The following GPR180 variants were observed in gnomAD, a reference collection of about 807,000 sequenced individuals.
The protein encoded by GPR180 is G protein-coupled receptor 180, also known as integral membrane protein GPR180.
Under a neutral mutation model 52.6 loss-of-function variants are expected in GPR180, and 53 were observed. The ratio of observed to expected loss-of-function variants is 1.01; its 90% CI spans 0.81 to 1.27. The LOEUF (loss-of-function observed/expected upper bound fraction) is 1.27, where lower values mean the gene tolerates loss of function less well. GPR180 is among the 50% of genes most tolerant of loss of function. The pLI is 0.00. For synonymous variants in GPR180, 200 were observed against 193.1 expected, an observed-to-expected ratio of 1.04 and a Z score of -0.30; for missense variants, 533 against 527.0, an observed-to-expected ratio of 1.01 and a Z score of -0.11.
rs1391706492 is a variant in GPR180, at chr13:94,632,706, G to C, written c.*5535G>C. 6.6e-6 allele frequency: 1 copy of C among 152,150 alleles called. No homozygotes were observed. The highest frequency in any genetic ancestry group is 1.5e-5 in the Non-Finnish European group (1 of 68,038). 9.4% of individuals were successfully genotyped at this position (152,150 alleles called of 1,614,324 possible). ...GAAGTATCTTTGTTATTCATAGTGA[G>C]CTCTGATAGTTACGCTAACCAGATG... On this transcript the variant is annotated 3_prime_UTR_variant, in exon 9 of 9. Transcript: ENST00000376958.
rs1300158600 is a variant in GPR180 at position 94,632,221 on chromosome 13, C to A, written c.*5050C>A. On this transcript the variant is annotated 3_prime_UTR_variant, in exon 9 of 9. Transcript: ENST00000376958. ...GTATGCGAAAACCTTCTAATGTTTT[C>A]TTCTTGTTAAACAGGTAATATATGC... 1 of 152,186 alleles carries A rather than the reference C, an allele frequency of 6.6e-6. No individual in the cohort carries two copies. The highest frequency in any genetic ancestry group is 1.5e-5 in the Non-Finnish European group (1 of 68,042). 9.4% of individuals were successfully genotyped at this position (152,186 alleles called of 1,614,324 possible).
At chr13:94,612,460 T>C (rs1889720544) in intron 3 of GPR180, 70 bp downstream of exon 3, 1 of 1,184,544 alleles carries the variant, frequency 8.4e-7, no homozygotes, top group Admixed American at 2.2e-5. Flanking sequence ...TCATGTTGTA[T>C]TTTTAAAATC....
chr13:94,610,672 TC>T (rs1464097738), intron 2 of GPR180, among the ~76,000 whole-genome samples: 2 of 152,204 alleles, frequency 1.3e-5, no homozygotes, highest in Non-Finnish European at 2.9e-5. Context: ...CAGGTCAGAT[TC>T]AGAAACCGCA....
In GPR180 at chr13:94,629,688, C is replaced by G. The variant is rs971027956; in HGVS notation, c.*2517C>G. The G allele has an allele frequency of 1.3e-5, 2 of 152,196 alleles. No individual in the cohort carries two copies. Among genetic ancestry groups the G allele is most frequent in the African/African-American group, 2.4e-5 (1 of 41,458 alleles). The allele number at this position is 152,196 out of a possible 1,614,324, so 9.4% of individuals were successfully genotyped here. On this transcript the variant is annotated 3_prime_UTR_variant, in exon 9 of 9. Transcript: ENST00000376958. ...ATTAAAACTGGAATTGTGCTAAAATCAGAACATGCGCTTGAATATCTGTAA... is the reference window on the plus strand; with the variant it reads ...ATTAAAACTGGAATTGTGCTAAAATGAGAACATGCGCTTGAATATCTGTAA...
chr13:94,628,544 C>T lies in GPR180; in HGVS notation c.*1373C>T, dbSNP rs1295143698. 4 of 151,962 alleles carry T rather than the reference C, an allele frequency of 2.6e-5. No homozygotes were observed. Among genetic ancestry groups the T allele is most frequent in the Non-Finnish European group, 5.9e-5 (4 of 67,908 alleles). 9.4% of individuals were successfully genotyped at this position (151,962 alleles called of 1,614,324 possible). On this transcript the variant is annotated 3_prime_UTR_variant, in exon 9 of 9. Transcript: ENST00000376958. ...TAGTGCAACTTAAAAATATCTATGGCTTTGTTTTTGTTTTTCTTTTGTACC... is the reference window on the plus strand; with the variant it reads ...TAGTGCAACTTAAAAATATCTATGGTTTTGTTTTTGTTTTTCTTTTGTACC...
chr13:94,606,712 C>T (rs1174229054), intron 2 of GPR180, among the ~76,000 whole-genome samples: 2 of 152,184 alleles, frequency 1.3e-5, no homozygotes, highest in East Asian at 3.8e-4. Context: ...TATCAGCTGT[C>T]TGATTCCCTC....
In GPR180 at chr13:94,634,181, G is replaced by A. The variant is rs544964109; in HGVS notation, c.*7010G>A. On this transcript the variant is annotated 3_prime_UTR_variant, in exon 9 of 9. Transcript: ENST00000376958. Reference sequence around the variant, plus strand: ...TGATTTTCAAAAGAAAAAAAATCCTGTTTAGTATTCTTAGTGGAATGAATT... The same window carrying A: ...TGATTTTCAAAAGAAAAAAAATCCTATTTAGTATTCTTAGTGGAATGAATT... 1 of 151,946 alleles carries A rather than the reference G, an allele frequency of 6.6e-6. No homozygotes were observed. Among genetic ancestry groups the A allele is most frequent in the Non-Finnish European group, 1.5e-5 (1 of 67,974 alleles). The allele number at this position is 151,946 out of a possible 1,614,324, so 9.4% of individuals were successfully genotyped here.
Position 94,623,142 on chromosome 13 carries a change from ATC to A in GPR180, c.929_930del (p.Ile310LysfsTer4). The A allele has an allele frequency of 6.2e-7, 1 of 1,613,918 alleles. No individual in the cohort carries two copies. Among genetic ancestry groups the A allele is most frequent in the Non-Finnish European group, 8.5e-7 (1 of 1,179,920 alleles). Reference protein sequence around the residue: ...VLLLWEQFEDISHHSYHSHHN... With the variant: ...VLLLWEQFEDXSHHSYHSHHN... ...GCTACTTTGGGAACAGTTTGAAGAT[ATC>A]AGTCATCATAGCTACCATTCACACC... On this transcript the variant is annotated frameshift_variant, in exon 7 of 9. Coordinates refer to ENST00000376958, the MANE Select transcript of GPR180 (RefSeq NM_180989.6). LOFTEE classifies it high-confidence loss of function.
Position 94,631,351 on chromosome 13 carries a change from A to G in GPR180, c.*4180A>G, listed in dbSNP as rs769590873. The G allele has an allele frequency of 3.3e-5, 5 of 151,904 alleles. No individual in the cohort carries two copies. Among genetic ancestry groups the G allele is most frequent in the African/African-American group, 1.2e-4 (5 of 41,322 alleles). 9.4% of individuals were successfully genotyped at this position (151,904 alleles called of 1,614,324 possible). ...AGACACAAAAGAAACCGCCTCCTATAATCCCTATAATAAGCCCCTTATTTT... is the reference window on the plus strand; with the variant it reads ...AGACACAAAAGAAACCGCCTCCTATGATCCCTATAATAAGCCCCTTATTTT... On this transcript the variant is annotated 3_prime_UTR_variant, in exon 9 of 9. Transcript: ENST00000376958.
chr13:94,620,067 C>A (rs559383060), intron 5 of GPR180, among the ~76,000 whole-genome samples: 50 of 152,150 alleles, frequency 3.3e-4, no homozygotes, highest in Non-Finnish European at 7.1e-4. Flanking sequence ...CTCATCTTAT[C>A]CTCAATAGAA....
intron 2 of GPR180, among the ~76,000 whole-genome samples, chr13:94,607,316 A>G (rs2139564253): frequency 6.6e-6 from 1 of 152,340 alleles, no homozygotes; most frequent in East Asian, 1.9e-4. Flanking sequence ...TGGTCATGTT[A>G]CATTCACTTC....
rs1890017249 is a variant in GPR180 at position 94,632,869 on chromosome 13, GTCAATTAA to G, written c.*5702_*5709del. The G allele has an allele frequency of 6.6e-6, 1 of 152,158 alleles. No individual in the cohort carries two copies. Among genetic ancestry groups the G allele is most frequent in the South Asian group, 2.1e-4 (1 of 4,814 alleles). 9.4% of individuals were successfully genotyped at this position (152,158 alleles called of 1,614,324 possible). On this transcript the variant is annotated 3_prime_UTR_variant, in exon 9 of 9. Transcript: ENST00000376958. ...GAGTTCAGCTTTATATAGAGATTGA[GTCAATTAA>G]TCATGCCTGTCATGAAACCCCGAGA...
At chr13:94,603,579 G>A (rs1440840570) in intron 1 of GPR180, among the ~76,000 whole-genome samples, 1 of 152,056 alleles carries the variant, frequency 6.6e-6, no homozygotes. Context: ...ACTGTAACTC[G>A]GAATGCAATT....
rs752056619 is a variant in GPR180 at position 94,625,963 on chromosome 13, C to T, written c.1087-3C>T. 2.5e-6 allele frequency: 4 copies of T among 1,607,698 alleles called. No homozygotes were observed. The African/African-American group carries it at 4.0e-5, about 16-fold the overall frequency. On this transcript the variant is annotated splice_region_variant and splice_polypyrimidine_tract_variant and intron_variant, in intron 7 of 8. Coordinates refer to ENST00000376958, the MANE Select transcript of GPR180 (RefSeq NM_180989.6). ...ACTTATTTCACTTTTTCCTTTGTTT[C>T]AGGGCTGTATCTTGTGGTTTTTATG...
At chr13:94,604,448 G>T (rs1889603856) in intron 1 of GPR180, among the ~76,000 whole-genome samples, 2 of 152,074 alleles carry the variant, frequency 1.3e-5, no homozygotes, top group South Asian at 2.1e-4. Flanking sequence ...GGAGGCGCAT[G>T]CCTGTAATCC....
intron 7 of GPR180, among the ~76,000 whole-genome samples, chr13:94,624,441 C>T (rs897353033): frequency 3.9e-5 from 6 of 152,124 alleles, no homozygotes; most frequent in South Asian, 2.1e-4. Context: ...GGCTTCTGAG[C>T]GCAAGACAAG....
At chr13:94,621,641 A>G (rs939323027) in intron 6 of GPR180, among the ~76,000 whole-genome samples, 5 of 152,184 alleles carry the variant, frequency 3.3e-5, no homozygotes, top group Non-Finnish European at 7.3e-5. Context: ...TCCATTGTCA[A>G]GAATCTTTAG....
Position 94,616,783 on chromosome 13 carries a change from A to G in GPR180, c.506-2367A>G, listed in dbSNP as rs529364390. On this transcript the variant is annotated intron_variant, in intron 3 of 8. Transcript: ENST00000376958. ...AGTTTAATTTCAAAGTGAACAAACA[A>G]TTTTTGCTTGTGGCAAAACAAAAAA... Among the ~76,000 whole-genome samples, 71 of 148,892 alleles carry G rather than the reference A, an allele frequency of 4.8e-4. No homozygotes were observed. In the East Asian group the frequency reaches 9.2e-3, roughly 19 times the overall value.
At chr13:94,625,118 G>A (rs1306894652) in intron 7 of GPR180, among the ~76,000 whole-genome samples, 1 of 152,188 alleles carries the variant, frequency 6.6e-6, no homozygotes, top group Non-Finnish European at 1.5e-5. Flanking sequence ...CTAGCCTCTT[G>A]TTTTGCTTTA....
Sources: allele counts gnomAD v4.1 joint callset (sites outside exome capture counted in the v4.1 genomes callset), GRCh38; gene constraint gnomAD v4.1.1; transcripts MANE v1.5; gene names NCBI Gene and HGNC (gene_info 2026-07-23, HGNC 2026-07-21).